LCLAT1: variants seen among roughly 807,000 people sequenced by gnomAD.
The protein encoded by LCLAT1 is 1-AGP acyltransferase 8.
Under a neutral mutation model 30.7 loss-of-function variants are expected in LCLAT1, and 11 were observed. The observed-to-expected ratio is 0.36, with a 90% CI of 0.23 to 0.59. The LOEUF is 0.59. LCLAT1 is among the 20% of genes least tolerant of loss of function. LCLAT1 has a pLI of 0.77. For missense variants in LCLAT1, 402 were observed against 458.6 expected (o/e 0.88, Z 1.13); for synonymous variants, 155 against 151.3 (o/e 1.02, Z -0.18).
intron 5 of LCLAT1, among the ~76,000 whole-genome samples, chr2:30,599,771 T>G (rs1667094655): frequency 6.6e-6 from 1 of 152,228 alleles, no homozygotes; most frequent in Non-Finnish European, 1.5e-5. Flanking sequence ...CTACAAGCCC[T>G]GCTTTTTTCT....
intron 1 of LCLAT1, among the ~76,000 whole-genome samples, chr2:30,498,072 C>G (rs1466304291): frequency 6.6e-6 from 1 of 152,010 alleles, no homozygotes; most frequent in Non-Finnish European, 1.5e-5. Context: ...TGTCTCACGA[C>G]CAAGAAAATT....
chr2:30,514,325 A>G (rs928470911), intron 1 of LCLAT1, among the ~76,000 whole-genome samples: 1 of 152,226 alleles, frequency 6.6e-6, no homozygotes, highest in African/African-American at 2.4e-5. Context: ...TTCCCCCAAG[A>G]AGTGCTTATG....
At chr2:30,494,261 T>G (rs1018124296) in intron 1 of LCLAT1, among the ~76,000 whole-genome samples, 2 of 151,928 alleles carry the variant, frequency 1.3e-5, no homozygotes, top group Admixed American at 1.3e-4. Context: ...AAAAACAAAA[T>G]AGTTTCATAT....
chr2:30,463,521 T>C (rs2148277579), intron 1 of LCLAT1, among the ~76,000 whole-genome samples: 1 of 152,324 alleles, frequency 6.6e-6, no homozygotes, highest in East Asian at 1.9e-4. Flanking sequence ...TTTGCATTCA[T>C]AGATTCAACC....
At chr2:30,474,295 A>G (rs1385562522) in intron 1 of LCLAT1, among the ~76,000 whole-genome samples, 1 of 152,230 alleles carries the variant, frequency 6.6e-6, no homozygotes, top group Non-Finnish European at 1.5e-5. Context: ...TAGTCTATAC[A>G]GTGTTGTAAA....
intron 5 of LCLAT1, among the ~76,000 whole-genome samples, chr2:30,580,143 ACT>A (rs1666151994): frequency 6.6e-6 from 1 of 152,094 alleles, no homozygotes; most frequent in Admixed American, 6.6e-5. Context: ...TAGGAAAGAA[ACT>A]CTGGAGAAAT....
intron 5 of LCLAT1, among the ~76,000 whole-genome samples, chr2:30,637,934 C>T (rs776301418): frequency 1.3e-5 from 2 of 152,192 alleles, no homozygotes; most frequent in Non-Finnish European, 2.9e-5. Context: ...TCAAATACAG[C>T]TCCACTGAAG....
chr2:30,621,588 G>A (rs534990940), intron 5 of LCLAT1, among the ~76,000 whole-genome samples: 1 of 152,254 alleles, frequency 6.6e-6, no homozygotes, highest in South Asian at 2.1e-4. Flanking sequence ...GCTACTGCAG[G>A]CTCCGTGAGA....
intron 1 of LCLAT1, among the ~76,000 whole-genome samples, chr2:30,498,128 A>G (rs762797516): frequency 6.6e-6 from 1 of 152,218 alleles, no homozygotes; most frequent in Non-Finnish European, 1.5e-5. Context: ...AAGTTTAATA[A>G]GCGAAAGAGA....
At chr2:30,610,863 A>ATAAC (rs1201726672) in intron 5 of LCLAT1, among the ~76,000 whole-genome samples, 1 of 152,162 alleles carries the variant, frequency 6.6e-6, no homozygotes, top group Non-Finnish European at 1.5e-5. Flanking sequence ...GGACATGAAT[A>ATAAC]TAACTTTTTA....
chr2:30,461,557 G>C (rs1400963048), intron 1 of LCLAT1, among the ~76,000 whole-genome samples: 1 of 151,916 alleles, frequency 6.6e-6, no homozygotes, highest in Non-Finnish European at 1.5e-5. Context: ...CACCAGGCCT[G>C]GCCCAGGTCT....
Position 30,525,664 on chromosome 2 carries a change from T to A in LCLAT1, c.74T>A (p.Leu25Gln). The A allele has an allele frequency of 6.2e-7, 1 of 1,614,136 alleles. No individual in the cohort carries two copies. Among genetic ancestry groups the A allele is most frequent in the Non-Finnish European group, 8.5e-7 (1 of 1,179,946 alleles). The change falls in exon 2 of 6, where the codon CTG becomes CAG. Residue 25 changes from leucine to glutamine, a missense_variant. By Grantham distance (113) the Leu-to-Gln change is moderately radical. Coordinates refer to ENST00000379509, the MANE Select transcript of LCLAT1 (RefSeq NM_001002257.3). ...AGCTTTTTTGGAAGCATTTTCATGC[T>A]GAGTCCCTTTTTACCTTTGATGTTT... ...WGSFFGSIFM[L>Q]SPFLPLMFVN...
rs1164216964 is a variant in LCLAT1, at chr2:30,644,043, T to G, written c.*3424T>G. 2.0e-5 allele frequency: 3 copies of G among 152,214 alleles called. No individual in the cohort carries two copies. Among genetic ancestry groups the G allele is most frequent in the Non-Finnish European group, 4.4e-5 (3 of 68,038 alleles). The allele number at this position is 152,214 out of a possible 1,614,324, so 9.4% of individuals were successfully genotyped here. ...AGTTATCCTGTACCTGCATTAAATTTTCATTTTAGAAGAGAATCTTGGTTT... is the reference window on the plus strand; with the variant it reads ...AGTTATCCTGTACCTGCATTAAATTGTCATTTTAGAAGAGAATCTTGGTTT... On this transcript the variant is annotated 3_prime_UTR_variant, in exon 6 of 6. Coordinates refer to ENST00000379509, the MANE Select transcript of LCLAT1 (RefSeq NM_001002257.3).
At chr2:30,613,065 G>C (rs934144911) in intron 5 of LCLAT1, among the ~76,000 whole-genome samples, 3 of 152,248 alleles carry the variant, frequency 2.0e-5, no homozygotes, top group African/African-American at 7.2e-5. Flanking sequence ...CTAGTAGAAG[G>C]AACAATAACG....
chr2:30,630,473 A>G (rs1668715524), intron 5 of LCLAT1, among the ~76,000 whole-genome samples: 1 of 152,232 alleles, frequency 6.6e-6, no homozygotes, highest in Non-Finnish European at 1.5e-5. Flanking sequence ...TTTTTCTTCT[A>G]TAGACTTAAC....
intron 1 of LCLAT1, among the ~76,000 whole-genome samples, chr2:30,454,023 A>G (rs1336268392): frequency 1.3e-5 from 2 of 152,224 alleles, no homozygotes; most frequent in African/African-American, 2.4e-5. Context: ...CTATGCTATA[A>G]TGCCTGTTTT....
At chr2:30,618,394 A>G (rs553150967) in intron 5 of LCLAT1, among the ~76,000 whole-genome samples, 1 of 152,306 alleles carries the variant, frequency 6.6e-6, no homozygotes, top group Non-Finnish European at 1.5e-5. Flanking sequence ...GTCTATGAAC[A>G]TAGTATATCT....
chr2:30,454,695 C>T (rs1019896292), intron 1 of LCLAT1, among the ~76,000 whole-genome samples: 2 of 152,026 alleles, frequency 1.3e-5, no homozygotes, highest in Admixed American at 6.5e-5. Flanking sequence ...GTGATTCTCC[C>T]TCTTCGACCT....
chr2:30,605,473 T>A (rs575012545), intron 5 of LCLAT1, among the ~76,000 whole-genome samples: 57 of 152,324 alleles, frequency 3.7e-4, no homozygotes, highest in African/African-American at 1.3e-3. Flanking sequence ...AATTTACATA[T>A]TGTTTTTAGT....
Sources: gnomAD v4.1 joint callset for allele counts (sites outside exome capture counted in the v4.1 genomes callset) on GRCh38, gnomAD v4.1.1 for gene constraint, MANE v1.5 for transcripts, NCBI Gene and HGNC (gene_info 2026-07-23, HGNC 2026-07-21) for gene names.